TGM4: variants seen among roughly 807,000 people sequenced by gnomAD.
The protein encoded by TGM4 is protein-glutamine gamma-glutamyltransferase 4.
TGM4 carries 61 observed loss-of-function variants against 76.3 expected under a neutral mutation model. That is an observed-to-expected ratio of 0.80 (90% CI 0.65 to 0.99). TGM4 has a LOEUF of 0.99. Ranked by LOEUF, TGM4 falls within the 50% of genes least tolerant of loss-of-function variation. TGM4 has a pLI of 0.00. For missense variants in TGM4, 794 were observed against 843.2 expected (o/e 0.94, Z 0.72); for synonymous variants, 337 against 329.8 (o/e 1.02, Z -0.24).
At position 44,913,805 on chromosome 3, in the gene TGM4, A is replaced by C; in HGVS notation, c.*80A>C. 1 of 1,534,666 alleles carries C rather than the reference A, an allele frequency of 6.5e-7. No individual in the cohort carries two copies. The highest frequency in any genetic ancestry group is 2.3e-5 in the East Asian group (1 of 44,118). ...CTTAGCTTTCAGATTATGGATGATT[A>C]AATTTGATGACTTATATGAGGGCAG... is the stretch of plus-strand genomic sequence containing the variant. On this transcript the variant is annotated 3_prime_UTR_variant, in exon 14 of 14. Coordinates refer to ENST00000296125, the MANE Select transcript of TGM4 (RefSeq NM_003241.4).
chr3:44,887,744 C>G lies in TGM4; in HGVS notation c.249C>G (p.Pro83=). The change falls in exon 3 of 14, where the codon CCC becomes CCG. Residue 83 remains proline, a synonymous_variant. Transcript: ENST00000296125. The part of the protein sequence containing the change: ...HTLVVLDPRT[P]SDHYNWQATL... ...TGGTGGTGCTCGACCCGAGGACGCC[C>G]TCAGACCACTACAACTGGCAGGCAA... The G allele has an allele frequency of 3.1e-6, 5 of 1,614,184 alleles. No individual in the cohort carries two copies. Among genetic ancestry groups the G allele is most frequent in the Non-Finnish European group, 4.2e-6 (5 of 1,180,032 alleles).
chr3:44,902,755 A>G (rs371285092), intron 8 of TGM4, among the ~76,000 whole-genome samples: 1 of 152,188 alleles, frequency 6.6e-6, no homozygotes, highest in African/African-American at 2.4e-5. Context: ...CTTTTGATGT[A>G]ACTAGTACCC....
intron 1 of TGM4, 21 bp downstream of exon 1, chr3:44,874,718 T>C: frequency 6.2e-7 from 1 of 1,614,162 alleles, no homozygotes; most frequent in Non-Finnish European, 8.5e-7. Context: ...GAAATCTCCA[T>C]GGAGCCCCAC....
chr3:44,890,569 G>A (rs552223177), intron 3 of TGM4, 34 bp from the exon 4 acceptor site: 1 of 1,610,396 alleles, frequency 6.2e-7, no homozygotes, highest in Non-Finnish European at 8.5e-7. Context: ...TGGCCAGAGG[G>A]GGAGATGTCC....
At position 44,898,131 on chromosome 3, in the gene TGM4, A is replaced by G. The variant is rs183185733; in HGVS notation, c.657+1315A>G. On this transcript the variant is annotated intron_variant, in intron 6 of 13. Transcript: ENST00000296125. Reference sequence around the variant, plus strand: ...CCCATCTCTACTAAAAATACAAAAAATTAGCTGGGTGTGGTGGCACACACC... The same window carrying G: ...CCCATCTCTACTAAAAATACAAAAAGTTAGCTGGGTGTGGTGGCACACACC... Among the ~76,000 whole-genome samples, 404 of 152,242 alleles carry G rather than the reference A, an allele frequency of 2.7e-3. 4 individuals carry two copies. Among genetic ancestry groups the G allele is most frequent in the African/African-American group, 9.6e-3 (398 of 41,512 alleles).
chr3:44,909,132 A>T (rs1011627987), intron 10 of TGM4, among the ~76,000 whole-genome samples: 2 of 152,272 alleles, frequency 1.3e-5, no homozygotes, highest in Non-Finnish European at 2.9e-5. Flanking sequence ...TCCTTGAATC[A>T]TTAAGACTCC....
chr3:44,900,529 A>G (rs1229610508), intron 6 of TGM4, among the ~76,000 whole-genome samples: 1 of 152,246 alleles, frequency 6.6e-6, no homozygotes, highest in Non-Finnish European at 1.5e-5. Flanking sequence ...GTAGCATACT[A>G]TAAGGGTTTT....
At chr3:44,908,796 T>A (rs552004595) in intron 10 of TGM4, among the ~76,000 whole-genome samples, 1 of 152,324 alleles carries the variant, frequency 6.6e-6, no homozygotes, top group African/African-American at 2.4e-5. Flanking sequence ...GTAGGTTCAA[T>A]GTCAGGGCTT....
In TGM4 at chr3:44,905,838, G is replaced by A. The variant is rs62242615; in HGVS notation, c.1076-1111G>A. ...GAGCAGGTGATATGCCCACACCCCC[G>A]CATACTCTGCAGGAAGATTCTCAGC... On this transcript the variant is annotated intron_variant, in intron 9 of 13. Transcript: ENST00000296125. Among the ~76,000 whole-genome samples, 213 of 151,878 alleles carry A rather than the reference G, an allele frequency of 1.4e-3. 2 individuals carry two copies. Among genetic ancestry groups the A allele is most frequent in the African/African-American group, 3.5e-3 (146 of 41,408 alleles).
At chr3:44,879,660 T>G (rs1699506282) in intron 1 of TGM4, among the ~76,000 whole-genome samples, 1 of 151,838 alleles carries the variant, frequency 6.6e-6, no homozygotes, top group Admixed American at 6.6e-5. Context: ...GTATTTTTAG[T>G]AGAGACGGGG....
chr3:44,893,971 C>T (rs1699741683), intron 5 of TGM4, among the ~76,000 whole-genome samples: 1 of 112,756 alleles, frequency 8.9e-6, no homozygotes, highest in Admixed American at 8.7e-5. Flanking sequence ...TCCTACCCCC[C>T]ATGGCTCTCT....
In TGM4 at chr3:44,901,934, A is replaced by G. The variant is rs199708381; in HGVS notation, c.971+3A>G. The G allele has an allele frequency of 9.9e-6, 16 of 1,613,640 alleles. No homozygotes were observed. In the East Asian group the frequency reaches 1.3e-4, roughly 13 times the overall value. ...AGTATGACCCACGACTCTGTCTGGT[A>G]GGGTTCCTCCTTCTCAACCTGCCCT... On this transcript the variant is annotated splice_donor_region_variant and intron_variant, in intron 8 of 13. Coordinates refer to ENST00000296125, the MANE Select transcript of TGM4 (RefSeq NM_003241.4).
chr3:44,874,733 C>T (rs1699427029), intron 1 of TGM4, 36 bp downstream of exon 1: 2 of 1,613,910 alleles, frequency 1.2e-6, no homozygotes, highest in Non-Finnish European at 8.5e-7. Context: ...CCCCACATGC[C>T]CCTTCAGCCA....
At chr3:44,884,541 G>A (rs2125748571) in intron 1 of TGM4, among the ~76,000 whole-genome samples, 1 of 152,242 alleles carries the variant, frequency 6.6e-6, no homozygotes, top group Non-Finnish European at 1.5e-5. Context: ...CTGGAGTGCA[G>A]TGGCTTGATC....
chr3:44,883,510 A>T (rs941411860), intron 1 of TGM4, among the ~76,000 whole-genome samples: 14 of 152,174 alleles, frequency 9.2e-5, no homozygotes, highest in African/African-American at 3.4e-4. Flanking sequence ...TTTCTAAATG[A>T]CCCAGTCTCA....
chr3:44,889,596 C>G (rs1699661484), intron 3 of TGM4, among the ~76,000 whole-genome samples: 1 of 152,138 alleles, frequency 6.6e-6, no homozygotes, highest in South Asian at 2.1e-4. Flanking sequence ...ATGGGAGGAC[C>G]TTGGACCACA....
At chr3:44,904,198 G>T (rs529099067) in intron 9 of TGM4, among the ~76,000 whole-genome samples, 1 of 152,256 alleles carries the variant, frequency 6.6e-6, no homozygotes, top group South Asian at 2.1e-4. Flanking sequence ...GCCAATGACA[G>T]TACTGTTAAG....
In TGM4 at chr3:44,901,682, T is replaced by A. The variant is rs752680924; in HGVS notation, c.816T>A (p.Ala272=). ...AVCFGQCWVF[A]GILTTVLRAL... ...GCTTTGGCCAGTGCTGGGTGTTTGC[T>A]GGGATCCTGACTACAGGTAAGTGGC... The change falls in exon 7 of 14, where the codon GCT becomes GCA. Residue 272 remains alanine (A), a synonymous_variant. Coordinates refer to ENST00000296125, the MANE Select transcript of TGM4 (RefSeq NM_003241.4). The A allele has an allele frequency of 6.2e-7, 1 of 1,614,012 alleles. No individual in the cohort carries two copies. The highest frequency in any genetic ancestry group is 1.1e-5 in the South Asian group (1 of 91,082).
intron 5 of TGM4, among the ~76,000 whole-genome samples, chr3:44,895,450 G>T (rs1699766925): frequency 6.6e-6 from 1 of 152,158 alleles, no homozygotes; most frequent in Non-Finnish European, 1.5e-5. Context: ...AACATAGGGA[G>T]ACCTGGTCTC....
Sources: allele counts gnomAD v4.1 joint callset (sites outside exome capture counted in the v4.1 genomes callset), GRCh38; gene constraint gnomAD v4.1.1; transcripts MANE v1.5; gene names NCBI Gene and HGNC (gene_info 2026-07-23, HGNC 2026-07-21).